Variants in FRMPD1 observed in about 807,000 individuals in gnomAD.
The protein encoded by FRMPD1 is FERM and PDZ domain-containing protein 1.
In FRMPD1, 76 loss-of-function variants were observed where a neutral mutation model predicts 117.8. That is an observed-to-expected ratio of 0.65 (90% CI 0.54 to 0.78). The LOEUF is 0.78. FRMPD1 is among the 30% of genes least tolerant of loss of function. FRMPD1 has a pLI of 0.00. For synonymous variants in FRMPD1, 783 were observed against 770.4 expected (o/e 1.02, Z -0.27); for missense variants, 1,786 against 1,964.5 (o/e 0.91, Z 1.72).
At chr9:37,689,504 C>CTAAGACCTCTGT (rs1338543820) in intron 1 of FRMPD1, among the ~76,000 whole-genome samples, 3 of 152,132 alleles carry the variant, frequency 2.0e-5, no homozygotes, top group African/African-American at 7.2e-5. Context: ...TTTCTTTTCC[C>CTAAGACCTCTGT]TAAGACCTCT....
At chr9:37,612,872 T>A in the FRMPD1 span, among the ~76,000 whole-genome samples, 317 of 152,276 alleles carry the variant, frequency 2.1e-3, no homozygotes, top group Non-Finnish European at 3.9e-3. Flanking sequence ...TGGTCACTGT[T>A]CCCAATATCA....
intron 1 of FRMPD1, among the ~76,000 whole-genome samples, chr9:37,685,708 T>C (rs1472626467): frequency 6.6e-6 from 1 of 152,240 alleles, no homozygotes; most frequent in East Asian, 1.9e-4. Context: ...GTGTTCCTTT[T>C]CCATTTTCTC....
In FRMPD1 at chr9:37,740,137, G is replaced by A. The variant is rs201548139; in HGVS notation, c.1609G>A (p.Glu537Lys). 342 of 1,613,734 alleles carry A rather than the reference G, an allele frequency of 2.1e-4. 1 individual carries two copies. Among genetic ancestry groups the A allele is most frequent in the Non-Finnish European group, 1.1e-4 (131 of 1,179,882 alleles). Residue 537 changes from glutamate to lysine, a missense_variant, in exon 15 of 16, where the codon GAA becomes AAA. Physicochemically the swap from Glu to Lys is moderately conservative, Grantham distance 56. Coordinates refer to ENST00000377765, the MANE Select transcript of FRMPD1 (RefSeq NM_014907.3). This position sits in a 1 kb window ranked among gnomAD's most constrained non-coding sequence, Gnocchi z 4.2. ...EESSEVDCVL[E>K]PLSDRRLVKL... ...GTCCTCTGAGGTGGACTGCGTACTC[G>A]AACCTCTCTCTGACAGGCGCCTGGT...
intron 1 of FRMPD1, among the ~76,000 whole-genome samples, chr9:37,653,181 G>A (rs966055228): frequency 3.3e-5 from 5 of 152,112 alleles, no homozygotes; most frequent in African/African-American, 4.8e-5. Context: ...GCCTCCGAGC[G>A]TCACTTTTTT....
At chr9:37,720,668 CAA>C (rs1212957282) in intron 6 of FRMPD1, among the ~76,000 whole-genome samples, 1 of 144,562 alleles carries the variant, frequency 6.9e-6, no homozygotes, top group African/African-American at 2.6e-5. Flanking sequence ...GACTCCATCT[CAA>C]AAAAAAAAGA....
the FRMPD1 span, among the ~76,000 whole-genome samples, chr9:37,626,635 A>AAAAAAAAAAAAAAAAAAAAAAAAAAG: frequency 7.0e-6 from 1 of 143,108 alleles, no homozygotes; most frequent in Non-Finnish European, 1.5e-5. Context: ...AAAAAAAAAA[A>AAAAAAAAAAAAAAAAAAAAAAAAAAG]AAAAAAAGCT....
the FRMPD1 span, among the ~76,000 whole-genome samples, chr9:37,621,606 T>C: frequency 6.6e-6 from 1 of 152,190 alleles, no homozygotes; most frequent in African/African-American, 2.4e-5. Context: ...CCTGGAAATT[T>C]ACAGGAAAAG....
chr9:37,667,517 T>TAA lies in FRMPD1; in HGVS notation c.-5+16434_-5+16435dup, dbSNP rs57309285. On this transcript the variant is annotated intron_variant, in intron 1 of 15. Coordinates refer to ENST00000377765, the MANE Select transcript of FRMPD1 (RefSeq NM_014907.3). The stretch of plus-strand genomic sequence containing the variant: ...GTGAGACCCCATCTCTACTAAAAAT[T>TAA]AAAAAAAAAAAATAGCCAGGCATGG... Among the ~76,000 whole-genome samples, 405 of 143,606 alleles carry TAA rather than the reference T, an allele frequency of 2.8e-3. 3 individuals carry two copies. The highest frequency in any genetic ancestry group is 8.9e-3 in the South Asian group (40 of 4,502). 94.2% of individuals were successfully genotyped at this position (143,606 alleles called of 152,430 possible). A position where few individuals can be genotyped will look rare whatever the true frequency, so the allele number is the denominator to read the frequency against.
chr9:37,740,290 G>A lies in FRMPD1; in HGVS notation c.1762G>A (p.Glu588Lys), dbSNP rs368944021. The A allele has an allele frequency of 2.8e-4, 446 of 1,613,714 alleles. No individual in the cohort carries two copies. Among genetic ancestry groups the A allele is most frequent in the Non-Finnish European group, 3.4e-4 (396 of 1,180,002 alleles). Residue 588 changes from glutamate (E) to lysine (K), a missense_variant, in exon 15 of 16, where the codon GAG (glutamate) becomes AAG (lysine). Coordinates refer to ENST00000377765, the MANE Select transcript of FRMPD1 (RefSeq NM_014907.3). This position sits in a 1 kb window ranked among gnomAD's most constrained non-coding sequence, Gnocchi z 4.2. The stretch of plus-strand genomic sequence containing the variant: ...CAGCACGACAGACAGTGCCGAGTCC[G>A]AGGCGTCCGACTCAGCCAACACTGA... ...ASSTTDSAES[E>K]ASDSANTESR...
At chr9:37,665,168 A>G (rs1821124697) in intron 1 of FRMPD1, among the ~76,000 whole-genome samples, 1 of 152,256 alleles carries the variant, frequency 6.6e-6, no homozygotes. Flanking sequence ...AGAAACCAGC[A>G]TATATGGTAA....
At chr9:37,741,081 C>A in intron 15 of FRMPD1, 197 bp downstream of exon 15, 1 of 590,972 alleles carries the variant, frequency 1.7e-6, no homozygotes, top group Non-Finnish European at 3.0e-6. Flanking sequence ...GTTCAGACAA[C>A]TGTGGCAAGC....
intron 15 of FRMPD1, among the ~76,000 whole-genome samples, chr9:37,743,935 C>T (rs1824550285): frequency 6.6e-6 from 1 of 151,136 alleles, no homozygotes; most frequent in African/African-American, 2.4e-5. Context: ...CGCGGTGGCT[C>T]ATGCCTGTAA....
chr9:37,685,392 C>G (rs1462508587), intron 1 of FRMPD1, among the ~76,000 whole-genome samples: 1 of 152,024 alleles, frequency 6.6e-6, no homozygotes, highest in Non-Finnish European at 1.5e-5. Flanking sequence ...GCCTGTAATC[C>G]CAGCACTTTG....
the FRMPD1 span, among the ~76,000 whole-genome samples, chr9:37,616,952 T>G: frequency 6.6e-6 from 1 of 152,182 alleles, no homozygotes; most frequent in Non-Finnish European, 1.5e-5. Context: ...GACTCAGAAG[T>G]CTTTTCCTCT....
rs147270409 is a variant in FRMPD1 at position 37,658,126 on chromosome 9, CCCA to C, written c.-5+7034_-5+7036del. ...CATCTTCACTTCTTTAGGCAGAATG[CCCA>C]CTTTATCTGGCCCCCTGAAAAGCTA... On this transcript the variant is annotated intron_variant, in intron 1 of 15. Coordinates refer to ENST00000377765, the MANE Select transcript of FRMPD1 (RefSeq NM_014907.3). 2.4e-4 allele frequency among the ~76,000 whole-genome samples: 36 copies of C among 152,276 alleles called. No homozygotes were observed. In the East Asian group the frequency reaches 5.4e-3, roughly 23 times the overall value.
chr9:37,676,791 G>A (rs1360483313), intron 1 of FRMPD1, among the ~76,000 whole-genome samples: 3 of 152,180 alleles, frequency 2.0e-5, no homozygotes, highest in African/African-American at 7.2e-5. Flanking sequence ...ACACTGCCCT[G>A]CTGTTGGCAG....
At chr9:37,657,456 C>T (rs1055150072) in intron 1 of FRMPD1, among the ~76,000 whole-genome samples, 1 of 152,218 alleles carries the variant, frequency 6.6e-6, no homozygotes, top group Admixed American at 6.5e-5. Context: ...TCTGTTCTCT[C>T]TGGCTTTCCC....
At chr9:37,657,409 C>T (rs920836250) in intron 1 of FRMPD1, among the ~76,000 whole-genome samples, 4 of 152,174 alleles carry the variant, frequency 2.6e-5, no homozygotes, top group Non-Finnish European at 4.4e-5. Flanking sequence ...GGCATTTATT[C>T]GTTCTTATAA....
chr9:37,704,107 T>C (rs1822619794), intron 2 of FRMPD1, among the ~76,000 whole-genome samples: 1 of 152,242 alleles, frequency 6.6e-6, no homozygotes, highest in South Asian at 2.1e-4. Flanking sequence ...CTAGAATTTC[T>C]ATTCAGTTTC....
Sources: allele counts gnomAD v4.1 joint callset (sites outside exome capture counted in the v4.1 genomes callset), GRCh38; gene constraint gnomAD v4.1.1; non-coding constraint Gnocchi (gnomAD v3.1); transcripts MANE v1.5; gene names NCBI Gene and HGNC (gene_info 2026-07-23, HGNC 2026-07-21).